The following MCM5 variants were observed in gnomAD, a reference collection of about 807,000 sequenced individuals.
MCM5 encodes minichromosome maintenance complex component 5.
A neutral mutation model predicts 79.9 loss-of-function variants in MCM5; 46 were observed. That is an observed-to-expected ratio of 0.58 (90% confidence interval 0.45 to 0.74). The LOEUF (loss-of-function observed/expected upper bound fraction) is 0.74. Among genes scored for constraint, MCM5 ranks in the 30% least tolerant of loss-of-function variants. The probability of loss-of-function intolerance (pLI) is 0.00; values close to 1 mark genes in which losing one functional copy is unlikely to be tolerated. For missense variants in MCM5, 883 were observed against 1,017.0 expected (o/e 0.87, Z 1.79); for synonymous variants, 404 against 390.5 (o/e 1.03, Z -0.41).
chr22:35,437,439 C>T, the MCM5 span, among the ~76,000 whole-genome samples: 30 of 152,248 alleles, frequency 2.0e-4, no homozygotes, highest in African/African-American at 6.7e-4. Flanking sequence ...ACAGAGCCTA[C>T]GTGGGAATGA....
chr22:35,412,810 C>T (rs1932426163), intron 8 of MCM5, 129 bp downstream of exon 8: 1 of 789,326 alleles, frequency 1.3e-6, no homozygotes. Flanking sequence ...TGCCAGGCAC[C>T]TTTGCCAGCC....
At chr22:35,434,391 C>A in the MCM5 span, among the ~76,000 whole-genome samples, 8 of 152,186 alleles carry the variant, frequency 5.3e-5, no homozygotes, top group African/African-American at 1.7e-4. Flanking sequence ...GTAACCTGAA[C>A]TCCCCACCCT....
At chr22:35,449,807 G>T in the MCM5 span, among the ~76,000 whole-genome samples, 140 of 152,054 alleles carry the variant, frequency 9.2e-4, no homozygotes, top group Non-Finnish European at 1.6e-3. Context: ...TTAGAGACAG[G>T]GTCTCACTCT....
At chr22:35,406,516 C>T (rs1470270002) in intron 4 of MCM5, 37 bp from the exon 5 acceptor site, 4 of 1,593,342 alleles carry the variant, frequency 2.5e-6, no homozygotes, top group African/African-American at 1.3e-5. Flanking sequence ...GTCCTGGCTC[C>T]CCTTAACCAA....
chr22:35,448,473 C>T, the MCM5 span, among the ~76,000 whole-genome samples: 11 of 152,164 alleles, frequency 7.2e-5, no homozygotes, highest in East Asian at 7.7e-4. Context: ...TCCTGCTAAA[C>T]GCCCCACAAA....
intron 9 of MCM5, 83 bp from the exon 10 acceptor site, chr22:35,415,746 C>T (rs914091929): frequency 6.6e-7 from 1 of 1,504,374 alleles, no homozygotes; most frequent in Non-Finnish European, 9.0e-7. Context: ...TTGGGCAAAT[C>T]ACAACCTCAG....
At chr22:35,433,724 G>C in the MCM5 span, among the ~76,000 whole-genome samples, 1 of 152,194 alleles carries the variant, frequency 6.6e-6, no homozygotes, top group Non-Finnish European at 1.5e-5. Flanking sequence ...CCATCTGCAG[G>C]ACCCAGGGCT....
chr22:35,439,642 G>A, the MCM5 span, among the ~76,000 whole-genome samples: 1 of 152,092 alleles, frequency 6.6e-6, no homozygotes, highest in South Asian at 2.1e-4. Context: ...TGCCTTTTAG[G>A]GAAGAACACT....
chr22:35,449,391 TATG>T, the MCM5 span, among the ~76,000 whole-genome samples: 2 of 151,580 alleles, frequency 1.3e-5, no homozygotes, highest in African/African-American at 4.8e-5. Flanking sequence ...GTACCCCAGC[TATG>T]GCCTCTCTGT....
chr22:35,415,799 T>C (rs1330585654), intron 9 of MCM5, 30 bp from the exon 10 acceptor site: 1 of 1,602,234 alleles, frequency 6.2e-7, no homozygotes, highest in Non-Finnish European at 8.5e-7. Flanking sequence ...GGAGTTGTTA[T>C]TGGGCCCTGA....
At chr22:35,414,717 C>G (rs559124270) in intron 9 of MCM5, among the ~76,000 whole-genome samples, 43 of 152,280 alleles carry the variant, frequency 2.8e-4, no homozygotes, top group African/African-American at 9.9e-4. Flanking sequence ...GTCTTCACCT[C>G]AACTGTGTGG....
At chr22:35,449,570 T>G in the MCM5 span, among the ~76,000 whole-genome samples, 1 of 150,290 alleles carries the variant, frequency 6.7e-6, no homozygotes, top group Admixed American at 6.6e-5. Context: ...TTGTCCCAGC[T>G]GTGGCCTCTC....
At chr22:35,449,557 T>G in the MCM5 span, among the ~76,000 whole-genome samples, 1 of 146,564 alleles carries the variant, frequency 6.8e-6, no homozygotes, top group African/African-American at 2.5e-5. Flanking sequence ...AACCGTGGCC[T>G]CTTTGTCCCA....
In MCM5 at chr22:35,410,893, T is replaced by C. The variant is rs768186696; in HGVS notation, c.902T>C (p.Val301Ala). 6.2e-7 allele frequency: 1 copy of C among 1,604,756 alleles called. No homozygotes were observed. The highest frequency in any genetic ancestry group is 8.5e-7 in the Non-Finnish European group (1 of 1,173,464). The change falls in exon 7 of 17, where the codon GTG becomes GCG. Residue 301 changes from valine (V) to alanine (A), a missense_variant. Coordinates refer to ENST00000216122, the MANE Select transcript of MCM5 (RefSeq NM_006739.4). ...TACATCCGTGTCCTGGGCATCCAGG[T>C]GGACACAGATGGCTCTGGTGAGTTG... Reference protein sequence around the residue: ...SSYIRVLGIQVDTDGSGRSFA... With the variant: ...SSYIRVLGIQADTDGSGRSFA...
Position 35,415,975 on chromosome 22 carries a change from G to A in MCM5, c.1347+3G>A. 6.2e-7 allele frequency: 1 copy of A among 1,611,720 alleles called. No homozygotes were observed. Among genetic ancestry groups the A allele is most frequent in the Non-Finnish European group, 8.5e-7 (1 of 1,177,932 alleles). On this transcript the variant is annotated splice_donor_region_variant and intron_variant, in intron 10 of 16. Transcript: ENST00000216122. The stretch of plus-strand genomic sequence containing the variant: ...TCTGTATTGACGAGTTTGACAAGGT[G>A]AGTCTGATGAGGTGGGTAGTAGCCA...
intron 6 of MCM5, chr22:35,409,374 G>C (rs530223564): frequency 1.3e-5 from 2 of 152,388 alleles, no homozygotes; most frequent in African/African-American, 4.8e-5. Context: ...AGGAGTTCAA[G>C]ACCAGCCTGG....
chr22:35,416,211 G>A, intron 10 of MCM5, 128 bp from the exon 11 acceptor site: 1 of 998,726 alleles, frequency 1.0e-6, no homozygotes, highest in Non-Finnish European at 1.5e-6. Flanking sequence ...AGGTGACCTG[G>A]TTGCTGCCAT....
At chr22:35,447,356 A>G in the MCM5 span, among the ~76,000 whole-genome samples, 1 of 152,146 alleles carries the variant, frequency 6.6e-6, no homozygotes. Flanking sequence ...TGAGTGACAC[A>G]TGGCTTAGCG....
intron 15 of MCM5, chr22:35,421,856 T>G: frequency 3.2e-6 from 1 of 310,128 alleles, no homozygotes; most frequent in Non-Finnish European, 6.4e-6. Context: ...GTCCTGCCCA[T>G]GTTAGAAATG....
Sources: gnomAD v4.1 joint callset for allele counts (sites outside exome capture counted in the v4.1 genomes callset) on GRCh38, gnomAD v4.1.1 for gene constraint, MANE v1.5 for transcripts, NCBI Gene and HGNC (gene_info 2026-07-23, HGNC 2026-07-21) for gene names.